The following PARD3B variants were observed in gnomAD, a reference collection of about 807,000 sequenced individuals.
The protein encoded by PARD3B is par-3 family cell polarity regulator beta.
PARD3B carries 103 observed loss-of-function variants against 130.2 expected under a neutral mutation model. The ratio of observed to expected loss-of-function variants is 0.79; its 90% CI spans 0.67 to 0.93. The LOEUF (loss-of-function observed/expected upper bound fraction) is 0.93. Ranked by LOEUF, PARD3B falls within the 40% of genes least tolerant of loss-of-function variation. The pLI is 0.00. For synonymous variants in PARD3B, 583 were observed against 553.2 expected (o/e 1.05, Z -0.76); for missense variants, 1,609 against 1,499.2 (o/e 1.07, Z -1.21).
intron 20 of PARD3B, among the ~76,000 whole-genome samples, chr2:205,445,872 T>G (rs904402316): frequency 6.6e-6 from 1 of 152,196 alleles, no homozygotes; most frequent in Non-Finnish European, 1.5e-5. Context: ...TTCATGCATT[T>G]AATTCAACAA....
intron 1 of PARD3B, among the ~76,000 whole-genome samples, chr2:204,672,592 AAAAC>A (rs1330251355): frequency 1.4e-4 from 22 of 152,244 alleles, no homozygotes; most frequent in African/African-American, 3.6e-4. Flanking sequence ...TTGCAAATGA[AAAAC>A]AAACAGTTTC....
chr2:204,955,997 C>T (rs532707706), intron 2 of PARD3B, among the ~76,000 whole-genome samples: 3 of 152,102 alleles, frequency 2.0e-5, no homozygotes, highest in African/African-American at 7.2e-5. Flanking sequence ...CAAGACCACA[C>T]CCAGATCTGT....
chr2:205,102,714 T>C lies in PARD3B; in HGVS notation c.505-1712T>C, dbSNP rs370291837. ...CAATCTAAAAGTGAGAGACATTTTT[T>C]TTAACTCATTTCACTACAACAAAGT... is the stretch of plus-strand genomic sequence containing the variant. On this transcript the variant is annotated intron_variant, in intron 4 of 22. Coordinates refer to ENST00000406610, the MANE Select transcript of PARD3B (RefSeq NM_001302769.2). 4.6e-5 allele frequency among the ~76,000 whole-genome samples: 7 copies of C among 152,302 alleles called. 1 individual carries two copies. The South Asian group carries it at 1.5e-3, about 32-fold the overall frequency.
chr2:205,160,685 A>G lies in PARD3B; in HGVS notation c.1620+1778A>G, dbSNP rs773380712. ...ATAGCAACAACAACAATAGCAATGA[A>G]CATTTATTGTGCTTAGTATATGCTG... is the stretch of plus-strand genomic sequence containing the variant. On this transcript the variant is annotated intron_variant, in intron 11 of 22. Coordinates refer to ENST00000406610, the MANE Select transcript of PARD3B (RefSeq NM_001302769.2). This position sits in a 1 kb window ranked among gnomAD's most constrained non-coding sequence, Gnocchi z 4.0. 2.0e-5 allele frequency among the ~76,000 whole-genome samples: 3 copies of G among 152,216 alleles called. No homozygotes were observed. The highest frequency in any genetic ancestry group is 4.4e-5 in the Non-Finnish European group (3 of 68,032).
chr2:204,863,379 G>T (rs1479387867), intron 2 of PARD3B, among the ~76,000 whole-genome samples: 4 of 152,254 alleles, frequency 2.6e-5, no homozygotes, highest in African/African-American at 9.6e-5. Context: ...CTCAGCCCCT[G>T]TGGTTTGAGA....
At chr2:205,302,186 AG>A (rs1574642999) in intron 18 of PARD3B, among the ~76,000 whole-genome samples, 2 of 134,842 alleles carry the variant, frequency 1.5e-5, no homozygotes, top group African/African-American at 5.7e-5. Context: ...CTTCTGCCTT[AG>A]CCTCCCTAGT....
intron 18 of PARD3B, among the ~76,000 whole-genome samples, chr2:205,378,748 C>T (rs2045180973): frequency 6.6e-6 from 1 of 151,630 alleles, no homozygotes; most frequent in Non-Finnish European, 1.5e-5. Context: ...TCTCCTGCCT[C>T]AGCCTCCTGA....
At chr2:204,552,257 A>G (rs2030518991) in intron 1 of PARD3B, among the ~76,000 whole-genome samples, 1 of 152,166 alleles carries the variant, frequency 6.6e-6, no homozygotes, top group African/African-American at 2.4e-5. Flanking sequence ...CACAGGTGGT[A>G]GAGAGAGCCT....
Position 205,021,132 on chromosome 2 carries a change from C to A in PARD3B, c.395-26449C>A, listed in dbSNP as rs974500236. ...ACCTCCAAACCAGAAATTTCTAATA[C>A]AGCAAATAAAGCAAATTGGAATGAT... is the stretch of plus-strand genomic sequence containing the variant. On this transcript the variant is annotated intron_variant, in intron 3 of 22. Transcript: ENST00000406610. This position sits in a 1 kb window ranked among gnomAD's most constrained non-coding sequence, Gnocchi z 4.5. Among the ~76,000 whole-genome samples, 6 of 152,144 alleles carry A rather than the reference C, an allele frequency of 3.9e-5. No individual in the cohort carries two copies. Among genetic ancestry groups the A allele is most frequent in the African/African-American group, 1.4e-4 (6 of 41,426 alleles).
chr2:205,023,818 A>G (rs933798997), intron 3 of PARD3B, among the ~76,000 whole-genome samples: 1 of 152,074 alleles, frequency 6.6e-6, no homozygotes, highest in African/African-American at 2.4e-5. Flanking sequence ...GCCTTTCCTT[A>G]AAAAAACAGA....
At chr2:204,875,739 T>G (rs553482919) in intron 2 of PARD3B, among the ~76,000 whole-genome samples, 1 of 152,224 alleles carries the variant, frequency 6.6e-6, no homozygotes, top group Non-Finnish European at 1.5e-5. Flanking sequence ...AGTTCGTTAC[T>G]TCTCTTTGTA....
At chr2:204,739,466 A>C (rs1248392669) in intron 2 of PARD3B, among the ~76,000 whole-genome samples, 1 of 151,792 alleles carries the variant, frequency 6.6e-6, no homozygotes, top group African/African-American at 2.4e-5. Flanking sequence ...TATTATTATT[A>C]TTTTGAGAGA....
At chr2:205,415,395 C>T (rs572375090) in intron 19 of PARD3B, among the ~76,000 whole-genome samples, 1 of 152,198 alleles carries the variant, frequency 6.6e-6, no homozygotes, top group Non-Finnish European at 1.5e-5. Context: ...GAAACCAGAA[C>T]ATTTTACAAA....
intron 2 of PARD3B, among the ~76,000 whole-genome samples, chr2:204,690,077 C>T (rs372253208): frequency 6.6e-6 from 1 of 152,124 alleles, no homozygotes; most frequent in East Asian, 1.9e-4. Context: ...TAGCCTGCAT[C>T]TAGTTTATTG....
At chr2:205,024,107 C>T (rs933747037) in intron 3 of PARD3B, among the ~76,000 whole-genome samples, 2 of 150,534 alleles carry the variant, frequency 1.3e-5, no homozygotes, top group African/African-American at 4.9e-5. Context: ...GCAGGGTGAG[C>T]TCTTGATATG....
intron 4 of PARD3B, among the ~76,000 whole-genome samples, chr2:205,096,769 G>A (rs961983689): frequency 6.6e-6 from 1 of 152,152 alleles, no homozygotes; most frequent in Non-Finnish European, 1.5e-5. Flanking sequence ...GGATTAGCAA[G>A]GGACTAGTTA....
At chr2:205,523,276 G>A (rs1043659720) in intron 21 of PARD3B, among the ~76,000 whole-genome samples, 5 of 145,576 alleles carry the variant, frequency 3.4e-5, no homozygotes, top group South Asian at 2.2e-4. Flanking sequence ...ATGGAGTCTC[G>A]CTCTGTTGCC....
chr2:204,726,634 T>C (rs1559092647), intron 2 of PARD3B, among the ~76,000 whole-genome samples: 1 of 152,210 alleles, frequency 6.6e-6, no homozygotes. Flanking sequence ...GATTCAACTT[T>C]CTCAGTTCCT....
intron 8 of PARD3B, among the ~76,000 whole-genome samples, 179 bp from the exon 9 acceptor site, chr2:205,124,148 G>T (rs1286691381): frequency 6.6e-6 from 1 of 152,206 alleles, no homozygotes; most frequent in Admixed American, 6.5e-5. Flanking sequence ...GTCATGGCCT[G>T]TCAGGAACTA....
Sources: gnomAD v4.1 joint callset for allele counts (sites outside exome capture counted in the v4.1 genomes callset) on GRCh38, gnomAD v4.1.1 for gene constraint, Gnocchi (gnomAD v3.1) non-coding constraint, MANE v1.5 for transcripts, NCBI Gene and HGNC (gene_info 2026-07-23, HGNC 2026-07-21) for gene names.